MALRD1: variants seen among roughly 807,000 people sequenced by gnomAD.
MALRD1 encodes MAM and LDL receptor class A domain containing 1, also known as MAM and LDL-receptor class A domain-containing protein 1.
MALRD1 carries 247 observed loss-of-function variants against 242.1 expected under a neutral mutation model. That is an observed-to-expected ratio of 1.02 (90% CI 0.92 to 1.13). The LOEUF (loss-of-function observed/expected upper bound fraction) is 1.13. Ranked by LOEUF, MALRD1 falls within the 50% of genes most tolerant of loss-of-function variation. MALRD1 has a pLI of 0.00. For missense variants in MALRD1, 2,989 were observed against 2,533.1 expected (o/e 1.18, Z -3.86); for synonymous variants, 995 against 866.6 (o/e 1.15, Z -2.60).
At chr10:19,414,618 T>C (rs1278953935) in intron 28 of MALRD1, among the ~76,000 whole-genome samples, 1 of 152,184 alleles carries the variant, frequency 6.6e-6, no homozygotes, top group Non-Finnish European at 1.5e-5. Flanking sequence ...AATTTGGTAG[T>C]TATTCTCAGA....
At chr10:19,476,372 G>A (rs1836731513) in intron 29 of MALRD1, among the ~76,000 whole-genome samples, 1 of 152,096 alleles carries the variant, frequency 6.6e-6, no homozygotes. Context: ...AGAATAATGA[G>A]TATTTGAGGG....
At chr10:19,330,536 CA>C (rs1843318062) in intron 23 of MALRD1, among the ~76,000 whole-genome samples, 1 of 152,076 alleles carries the variant, frequency 6.6e-6, no homozygotes, top group Non-Finnish European at 1.5e-5. Context: ...TTAACATATA[CA>C]TACTTAGCTT....
chr10:19,209,219 G>C (rs896323617), intron 17 of MALRD1, 49 bp from the exon 18 acceptor site: 1 of 1,417,838 alleles, frequency 7.1e-7, no homozygotes. Context: ...GTGGTTGCAT[G>C]TATTTTTGTC....
At chr10:19,200,627 T>C (rs1469474629) in intron 14 of MALRD1, among the ~76,000 whole-genome samples, 4 of 149,072 alleles carry the variant, frequency 2.7e-5, no homozygotes. Context: ...GCTTTTTTTT[T>C]CTCCCTCCCT....
chr10:19,453,927 G>A (rs539565647), intron 29 of MALRD1, among the ~76,000 whole-genome samples: 8 of 151,972 alleles, frequency 5.3e-5, no homozygotes, highest in African/African-American at 1.7e-4. Flanking sequence ...TGTGGCTTGC[G>A]CCTGTAGTCC....
Position 19,503,886 on chromosome 10 carries a change from A to G in MALRD1, c.5320+5240A>G, listed in dbSNP as rs557759451. ...CCTGAGTGCTTACTAAATACCATTC[A>G]TTGTGCTGGGAACAGAATATGAATT... On this transcript the variant is annotated intron_variant, in intron 31 of 39. Coordinates refer to ENST00000454679, the MANE Select transcript of MALRD1 (RefSeq NM_001142308.3). 9.5e-5 allele frequency among the ~76,000 whole-genome samples: 13 copies of G among 137,430 alleles called. No individual in the cohort carries two copies. In the South Asian group the frequency reaches 2.8e-3, roughly 30 times the overall value. The allele number at this position is 137,430 out of a possible 152,430, so 90.2% of individuals were successfully genotyped here. A position where few individuals can be genotyped will look rare whatever the true frequency, so the allele number is the denominator to read the frequency against.
intron 18 of MALRD1, among the ~76,000 whole-genome samples, chr10:19,239,360 G>A (rs1198295914): frequency 6.6e-6 from 1 of 152,084 alleles, no homozygotes; most frequent in Admixed American, 6.6e-5. Context: ...TGTTTTTGCT[G>A]TTGAGTTGTT....
chr10:19,535,357 A>T (rs1834620400), intron 32 of MALRD1, among the ~76,000 whole-genome samples: 1 of 152,034 alleles, frequency 6.6e-6, no homozygotes, highest in Non-Finnish European at 1.5e-5. Context: ...TTCTTTAATG[A>T]CCTAAGCAGA....
At chr10:19,588,053 A>G (rs554082273) in intron 33 of MALRD1, among the ~76,000 whole-genome samples, 135 of 152,126 alleles carry the variant, frequency 8.9e-4, no homozygotes, top group Non-Finnish European at 1.6e-3. Context: ...ATCACATAAA[A>G]CTTCTGAAGC....
chr10:19,287,813 A>G (rs1216380582), intron 21 of MALRD1, among the ~76,000 whole-genome samples: 3 of 152,144 alleles, frequency 2.0e-5, no homozygotes, highest in Non-Finnish European at 4.4e-5. Flanking sequence ...TAAGTGACAC[A>G]TGACTGTGTA....
chr10:19,396,095 A>C (rs981577019), intron 28 of MALRD1, among the ~76,000 whole-genome samples: 2 of 150,918 alleles, frequency 1.3e-5, no homozygotes, highest in African/African-American at 4.9e-5. Context: ...TCCAGTCCAA[A>C]TATTAACTAA....
At chr10:19,709,056 C>G (rs1217324990) in intron 38 of MALRD1, among the ~76,000 whole-genome samples, 3 of 113,930 alleles carry the variant, frequency 2.6e-5, no homozygotes, top group African/African-American at 8.3e-5. Flanking sequence ...TTTTACTTTG[C>G]TCTTTCCTAA....
intron 18 of MALRD1, among the ~76,000 whole-genome samples, chr10:19,223,553 C>T (rs1009583375): frequency 1.3e-4 from 19 of 151,820 alleles, no homozygotes; most frequent in Admixed American, 5.3e-4. Context: ...TATATATATA[C>T]GCACATACAT....
intron 11 of MALRD1, among the ~76,000 whole-genome samples, chr10:19,147,189 G>C (rs369185606): frequency 6.6e-6 from 1 of 152,152 alleles, no homozygotes; most frequent in Admixed American, 6.5e-5. Context: ...TACTTGTACT[G>C]TAGATCATCT....
intron 32 of MALRD1, among the ~76,000 whole-genome samples, chr10:19,559,238 A>G (rs1589238720): frequency 6.6e-6 from 1 of 151,860 alleles, no homozygotes; most frequent in South Asian, 2.1e-4. Flanking sequence ...TTTAAAATTC[A>G]TGGGATCAGT....
At chr10:19,229,318 A>G (rs1236279920) in intron 18 of MALRD1, among the ~76,000 whole-genome samples, 1 of 152,128 alleles carries the variant, frequency 6.6e-6, no homozygotes, top group Non-Finnish European at 1.5e-5. Flanking sequence ...TTGAGGAGAT[A>G]TTTACACCAA....
rs534805208 is a variant in MALRD1 at position 19,234,604 on chromosome 10, T to C, written c.2992-23080T>C. 8.0e-4 allele frequency among the ~76,000 whole-genome samples: 115 copies of C among 144,112 alleles called. 1 individual carries two copies. The highest frequency in any genetic ancestry group is 2.8e-3 in the African/African-American group (107 of 37,832). The allele number at this position is 144,112 out of a possible 152,430, so 94.5% of individuals were successfully genotyped here. On this transcript the variant is annotated intron_variant, in intron 18 of 39. Transcript: ENST00000454679. ...TTTAGTATAACTCTTCTTGTAAACA[T>C]TGACTTAGTTCAAAGGGAGCTTATC...
At chr10:19,145,096 G>C (rs556472468) in intron 10 of MALRD1, among the ~76,000 whole-genome samples, 8 of 152,194 alleles carry the variant, frequency 5.3e-5, no homozygotes, top group Non-Finnish European at 1.2e-4. Flanking sequence ...CTGATACTAT[G>C]ATTCTTATTT....
At chr10:19,598,433 A>C (rs1271364932) in intron 34 of MALRD1, 2 of 151,824 alleles carry the variant, frequency 1.3e-5, no homozygotes, top group African/African-American at 4.8e-5. Context: ...CCTTCCAGAA[A>C]GTAAAAGGGA....
Sources: gnomAD v4.1 joint callset for allele counts (sites outside exome capture counted in the v4.1 genomes callset) on GRCh38, gnomAD v4.1.1 for gene constraint, MANE v1.5 for transcripts, NCBI Gene and HGNC (gene_info 2026-07-23, HGNC 2026-07-21) for gene names.